Variants in APBA2 observed in about 807,000 individuals in gnomAD.
The protein encoded by APBA2 is amyloid beta precursor protein binding family A member 2.
APBA2 carries 30 observed loss-of-function variants against 75.0 expected under a neutral mutation model. The ratio of observed to expected loss-of-function variants is 0.40; its 90% CI spans 0.30 to 0.54. The LOEUF (loss-of-function observed/expected upper bound fraction) is 0.54. APBA2 is among the 20% of genes least tolerant of loss of function. The pLI is 0.49. For missense variants in APBA2, 801 were observed against 1,016.1 expected, an observed-to-expected ratio of 0.79 and a Z score of 2.88; for synonymous variants, 444 against 409.6, an observed-to-expected ratio of 1.08 and a Z score of -1.01.
intron 8 of APBA2, among the ~76,000 whole-genome samples, chr15:29,097,374 C>T (rs2043899295): frequency 6.6e-6 from 1 of 152,268 alleles, no homozygotes; most frequent in African/African-American, 2.4e-5. Flanking sequence ...GCTGGCCCTC[C>T]TCCCTCCCAG....
intron 14 of APBA2, among the ~76,000 whole-genome samples, chr15:29,115,977 C>T (rs1370765024): frequency 6.6e-6 from 1 of 152,220 alleles, no homozygotes; most frequent in African/African-American, 2.4e-5. Flanking sequence ...GGCCCCCCAT[C>T]CGGAGGCCGC....
rs186617177 is a variant in APBA2, at chr15:28,984,831, T to G, written c.-94-10922T>G. Among the ~76,000 whole-genome samples, 631 of 148,238 alleles carry G rather than the reference T, an allele frequency of 4.3e-3. 5 individuals are homozygous for G. The highest frequency in any genetic ancestry group is 0.015 in the African/African-American group (596 of 39,420). ...CTCTCCCCCCTCCCACTGCCATCTCTGGAGGTTGGGGGAGCTGCTCTATCT... is the reference window on the plus strand; with the variant it reads ...CTCTCCCCCCTCCCACTGCCATCTCGGGAGGTTGGGGGAGCTGCTCTATCT... On this transcript the variant is annotated intron_variant, in intron 2 of 14. Transcript: ENST00000683413.
At chr15:29,106,279 C>G (rs375927391) in intron 11 of APBA2, among the ~76,000 whole-genome samples, 23 of 152,150 alleles carry the variant, frequency 1.5e-4, no homozygotes, top group African/African-American at 4.6e-4. Context: ...GACACTGGAG[C>G]CCTGCTTGGG....
chr15:28,949,456 G>C (rs140291997), intron 2 of APBA2, among the ~76,000 whole-genome samples: 2 of 152,192 alleles, frequency 1.3e-5, no homozygotes, highest in Non-Finnish European at 2.9e-5. Context: ...CCTGGGAGCC[G>C]TGCCTATTCC....
At chr15:29,021,983 A>G (rs1456379523) in intron 3 of APBA2, among the ~76,000 whole-genome samples, 3 of 152,126 alleles carry the variant, frequency 2.0e-5, no homozygotes, top group Non-Finnish European at 4.4e-5. Flanking sequence ...CTTCTTTTTA[A>G]AAGCCGAATA....
chr15:28,937,897 T>C (rs1046211669), intron 2 of APBA2, among the ~76,000 whole-genome samples: 4 of 152,186 alleles, frequency 2.6e-5, no homozygotes, highest in Non-Finnish European at 4.4e-5. Context: ...GACCTCGTGA[T>C]CCGCCCACCT....
chr15:29,013,051 C>T (rs1250173447), intron 3 of APBA2, among the ~76,000 whole-genome samples: 2 of 152,028 alleles, frequency 1.3e-5, no homozygotes, highest in Admixed American at 6.6e-5. Context: ...AAAAAAATTT[C>T]GTCAAGAGTT....
chr15:29,003,429 T>C (rs2038954110), intron 3 of APBA2, among the ~76,000 whole-genome samples: 2 of 152,190 alleles, frequency 1.3e-5, no homozygotes, highest in African/African-American at 4.8e-5. Context: ...CATCAATTAG[T>C]CTAGACTCTT....
intron 3 of APBA2, among the ~76,000 whole-genome samples, chr15:29,022,393 A>T (rs1346845685): frequency 6.6e-6 from 1 of 151,804 alleles, no homozygotes; most frequent in Non-Finnish European, 1.5e-5. Context: ...ATGATTTTTT[A>T]TTGTCTTATT....
chr15:28,927,476 T>C (rs771024965), intron 2 of APBA2, among the ~76,000 whole-genome samples: 11 of 152,164 alleles, frequency 7.2e-5, no homozygotes, highest in Non-Finnish European at 1.3e-4. Context: ...TTCTTCTCCA[T>C]TGTCTCTTTT....
At chr15:28,953,595 G>A (rs932021752) in intron 2 of APBA2, among the ~76,000 whole-genome samples, 2 of 152,076 alleles carry the variant, frequency 1.3e-5, no homozygotes, top group Non-Finnish European at 1.5e-5. Context: ...ATCACTTAGA[G>A]ATCAAGATCT....
chr15:28,922,993 C>T (rs544835142), intron 2 of APBA2, among the ~76,000 whole-genome samples: 2 of 152,324 alleles, frequency 1.3e-5, no homozygotes, highest in Admixed American at 6.5e-5. Context: ...CACCACACCA[C>T]GCCCTGTGCA....
At chr15:29,035,062 C>G (rs1489635412) in intron 3 of APBA2, among the ~76,000 whole-genome samples, 2 of 152,228 alleles carry the variant, frequency 1.3e-5, no homozygotes, top group African/African-American at 4.8e-5. Flanking sequence ...TAGCAGCTAG[C>G]TAGCATTCAG....
intron 2 of APBA2, among the ~76,000 whole-genome samples, chr15:28,959,623 T>C (rs561009371): frequency 3.7e-4 from 56 of 152,342 alleles, no homozygotes; most frequent in African/African-American, 1.3e-3. Context: ...TTCTGTTGGT[T>C]AAGTCCCCTA....
intron 2 of APBA2, among the ~76,000 whole-genome samples, chr15:28,967,599 C>T (rs996823678): frequency 5.3e-5 from 8 of 151,982 alleles, no homozygotes; most frequent in Admixed American, 4.6e-4. Context: ...CCACCACGCC[C>T]GGCTAATTTT....
chr15:29,039,657 C>T (rs1194216975), intron 3 of APBA2, among the ~76,000 whole-genome samples: 2 of 152,278 alleles, frequency 1.3e-5, no homozygotes, highest in South Asian at 4.1e-4. Context: ...TTTCGTGTGG[C>T]GTGACCTTTC....
In APBA2 at chr15:29,014,709, T is replaced by G. The variant is rs1383259699; in HGVS notation, c.-41+18903T>G. Among the ~76,000 whole-genome samples the G allele has an allele frequency of 1.3e-4, 20 of 151,418 alleles. No homozygotes were observed. The East Asian group carries it at 3.9e-3, about 30-fold the overall frequency. ...TACTCAGTCATCATTTGACTGTTTT[T>G]TTTTTTTTTTTTTTAAAGAGACAGG... On this transcript the variant is annotated intron_variant, in intron 3 of 14. Coordinates refer to ENST00000683413, the MANE Select transcript of APBA2 (RefSeq NM_001353788.2).
At chr15:29,033,724 G>C (rs2040599257) in intron 3 of APBA2, among the ~76,000 whole-genome samples, 1 of 152,230 alleles carries the variant, frequency 6.6e-6, no homozygotes, top group Middle Eastern at 3.4e-3. Context: ...ACTTTGGAAG[G>C]CCGAGGCAGC....
chr15:29,056,212 C>T (rs1212908881), intron 4 of APBA2, among the ~76,000 whole-genome samples: 1 of 152,136 alleles, frequency 6.6e-6, no homozygotes, highest in East Asian at 1.9e-4. Context: ...GTGCTTCATG[C>T]TAACCAGATG....
Sources: allele counts gnomAD v4.1 joint callset (sites outside exome capture counted in the v4.1 genomes callset), GRCh38; gene constraint gnomAD v4.1.1; transcripts MANE v1.5; gene names NCBI Gene and HGNC (gene_info 2026-07-23, HGNC 2026-07-21).